Variants in KPNA7 observed in about 807,000 individuals in gnomAD.
The protein encoded by KPNA7 is importin subunit alpha-8.
Under a neutral mutation model 53.7 loss-of-function variants are expected in KPNA7, and 54 were observed. The observed-to-expected ratio is 1.01, with a 90% CI of 0.81 to 1.26. The LOEUF is 1.26. KPNA7 is among the 50% of genes most tolerant of loss of function. KPNA7 has a pLI of 0.00. For missense variants in KPNA7, 640 were observed against 644.5 expected (o/e 0.99, Z 0.07); for synonymous variants, 276 against 259.3 (o/e 1.06, Z -0.62).
rs917876101 is a variant in KPNA7 at position 99,182,163 on chromosome 7, G to A, written c.1135-98C>T. The A allele has an allele frequency of 1.2e-5, 10 of 853,696 alleles. No individual in the cohort carries two copies. In the Admixed American group the frequency reaches 2.1e-4, roughly 18 times the overall value. The allele number at this position is 853,696 out of a possible 1,614,324, so 52.9% of individuals were successfully genotyped here. A position where few individuals can be genotyped will look rare whatever the true frequency, so the allele number is the denominator to read the frequency against. Reference sequence around the variant, plus strand: ...TTTCTAGGGAGGCTGGTGACAGCCAGGACTGCATGTACAATTTACATAGAA... The same window carrying A: ...TTTCTAGGGAGGCTGGTGACAGCCAAGACTGCATGTACAATTTACATAGAA... On this transcript the variant is annotated intron_variant, in intron 8 of 10. Coordinates refer to ENST00000327442, the MANE Select transcript of KPNA7 (RefSeq NM_001145715.3).
At chr7:99,193,195 A>G in intron 5 of KPNA7, 94 bp from the exon 6 acceptor site, 1 of 699,450 alleles carries the variant, frequency 1.4e-6, no homozygotes, top group South Asian at 2.8e-5. Context: ...AGGGCAAGAG[A>G]CAAAAACTCA....
intron 5 of KPNA7, among the ~76,000 whole-genome samples, chr7:99,194,355 T>G: frequency 6.6e-6 from 1 of 152,150 alleles, no homozygotes; most frequent in East Asian, 1.9e-4. Flanking sequence ...TTGTTGTTGT[T>G]TTGTTTTTGT....
chr7:99,190,376 A>G (rs941333155), intron 6 of KPNA7, among the ~76,000 whole-genome samples: 39 of 151,884 alleles, frequency 2.6e-4, no homozygotes, highest in Non-Finnish European at 4.0e-4. Context: ...AAAAAAAAGA[A>G]AGAGCTCTTC....
intron 8 of KPNA7, among the ~76,000 whole-genome samples, chr7:99,182,823 T>G (rs979907774): frequency 1.3e-4 from 19 of 151,632 alleles, no homozygotes; most frequent in Non-Finnish European, 2.7e-4. Context: ...ATGCTTGGGG[T>G]TTTAGATGAC....
At chr7:99,198,820 G>T (rs1245623706) in intron 3 of KPNA7, among the ~76,000 whole-genome samples, 1 of 151,900 alleles carries the variant, frequency 6.6e-6, no homozygotes, top group African/African-American at 2.4e-5. Context: ...TGGAAAGGAA[G>T]AAATAAAACT....
At chr7:99,173,062 CAAAAAAAA>C (rs923484332), downstream of KPNA7, among the ~76,000 whole-genome samples, 12 of 57,172 alleles carry the variant, frequency 2.1e-4, no homozygotes, top group Admixed American at 1.9e-3. Context: ...AACTCCATCT[CAAAAAAAA>C]AAAAAAAAAA....
At chr7:99,173,900 T>G in intron 10 of KPNA7, 106 bp from the exon 11 acceptor site, 1 of 664,114 alleles carries the variant, frequency 1.5e-6, no homozygotes, top group Non-Finnish European at 2.6e-6. Flanking sequence ...CTTAACCATG[T>G]TTAAGCAGGT....
the KPNA7 span, among the ~76,000 whole-genome samples, chr7:99,159,471 C>T: frequency 6.6e-6 from 1 of 151,132 alleles, no homozygotes; most frequent in African/African-American, 2.4e-5. Flanking sequence ...TCCAACTTTA[C>T]ATTATGGAGA....
At chr7:99,187,974 G>A (rs1789705236) in intron 7 of KPNA7, among the ~76,000 whole-genome samples, 1 of 151,062 alleles carries the variant, frequency 6.6e-6, no homozygotes, top group South Asian at 2.1e-4. Context: ...TCAGGAGTTC[G>A]AGACTAGCCT....
the KPNA7 span, among the ~76,000 whole-genome samples, chr7:99,150,019 G>A: frequency 3.7e-4 from 57 of 152,072 alleles, no homozygotes; most frequent in East Asian, 9.7e-3. Context: ...GGCTGGTCTC[G>A]AACTCCTGAC....
chr7:99,182,983 C>T (rs571951528), intron 8 of KPNA7, among the ~76,000 whole-genome samples: 21 of 152,100 alleles, frequency 1.4e-4, no homozygotes, highest in Non-Finnish European at 1.3e-4. Flanking sequence ...AGGTCGGGCA[C>T]GGTGGCTCAC....
At chr7:99,174,274 C>G (rs537166289) in intron 10 of KPNA7, among the ~76,000 whole-genome samples, 109 of 152,096 alleles carry the variant, frequency 7.2e-4, no homozygotes, top group African/African-American at 2.2e-3. Context: ...GATGATCTGT[C>G]AACTGTCTCC....
chr7:99,210,725 A>C (rs1286034805), upstream of KPNA7, among the ~76,000 whole-genome samples: 1 of 151,944 alleles, frequency 6.6e-6, no homozygotes, highest in Non-Finnish European at 1.5e-5. Flanking sequence ...AGCAGCTAGG[A>C]CTACAGGCAC....
At chr7:99,210,471 T>C (rs979934587), upstream of KPNA7, among the ~76,000 whole-genome samples, 2 of 152,136 alleles carry the variant, frequency 1.3e-5, no homozygotes, top group Non-Finnish European at 2.9e-5. Context: ...TACTCAAATA[T>C]TTGTCAAGGG....
At chr7:99,175,520 T>TATTA (rs1554459764) in intron 10 of KPNA7, among the ~76,000 whole-genome samples, 5 of 78,898 alleles carry the variant, frequency 6.3e-5, no homozygotes, top group South Asian at 1.3e-3. Flanking sequence ...TTTATTTATT[T>TATTA]ATTATTTATT....
the KPNA7 span, among the ~76,000 whole-genome samples, chr7:99,167,274 T>C: frequency 6.6e-6 from 1 of 152,176 alleles, no homozygotes; most frequent in Non-Finnish European, 1.5e-5. Context: ...GGGCCAGCCT[T>C]GCCTTAGCAC....
chr7:99,165,447 A>T, the KPNA7 span, among the ~76,000 whole-genome samples: 10 of 152,044 alleles, frequency 6.6e-5, no homozygotes, highest in African/African-American at 2.4e-4. Flanking sequence ...CTCGAGGAGC[A>T]CCCCACCCTC....
chr7:99,156,366 A>G, the KPNA7 span, among the ~76,000 whole-genome samples: 13 of 152,234 alleles, frequency 8.5e-5, no homozygotes, highest in African/African-American at 2.9e-4. Flanking sequence ...TCATTCTTTT[A>G]TAGGTAATCT....
chr7:99,152,375 GA>G, the KPNA7 span, among the ~76,000 whole-genome samples: 1 of 147,572 alleles, frequency 6.8e-6, no homozygotes. Flanking sequence ...AAAAGAAAAA[GA>G]AAAAAAGGAA....
Sources: allele counts gnomAD v4.1 joint callset (sites outside exome capture counted in the v4.1 genomes callset), GRCh38; gene constraint gnomAD v4.1.1; transcripts MANE v1.5; gene names NCBI Gene and HGNC (gene_info 2026-07-23, HGNC 2026-07-21).